RIMS2: variants seen among roughly 807,000 people sequenced by gnomAD.
RIMS2 encodes the protein regulating synaptic membrane exocytosis protein 2.
A neutral mutation model predicts 174.4 loss-of-function variants in RIMS2; 59 were observed. The ratio of observed to expected loss-of-function variants is 0.34; its 90% CI spans 0.27 to 0.42. The LOEUF (loss-of-function observed/expected upper bound fraction) is 0.42, where lower values mean the gene tolerates loss of function less well. Among genes scored for constraint, RIMS2 ranks in the 10% least tolerant of loss-of-function variants. RIMS2 has a pLI of 1.00. For synonymous variants in RIMS2, 606 were observed against 572.5 expected (o/e 1.06, Z -0.84); for missense variants, 1,620 against 1,666.3 (o/e 0.97, Z 0.48).
intron 1 of RIMS2, among the ~76,000 whole-genome samples, chr8:103,582,119 C>T (rs1353621511): frequency 2.6e-5 from 4 of 152,012 alleles, no homozygotes; most frequent in African/African-American, 4.8e-5. Flanking sequence ...GGGCACTAGT[C>T]AGAGTTGCGA....
chr8:104,117,465 T>C (rs2098296877), intron 19 of RIMS2, among the ~76,000 whole-genome samples: 1 of 152,034 alleles, frequency 6.6e-6, no homozygotes, highest in Non-Finnish European at 1.5e-5. Context: ...CATAGCTCAC[T>C]GCAGCCTCAA....
chr8:103,659,296 C>T (rs1221838951), intron 1 of RIMS2, among the ~76,000 whole-genome samples: 2 of 152,062 alleles, frequency 1.3e-5, no homozygotes, highest in Non-Finnish European at 2.9e-5. Flanking sequence ...ATGCTGGCCA[C>T]CAACCCGGGC....
At chr8:104,157,764 T>A (rs2098733576) in intron 19 of RIMS2, among the ~76,000 whole-genome samples, 1 of 152,198 alleles carries the variant, frequency 6.6e-6, no homozygotes, top group Non-Finnish European at 1.5e-5. Context: ...CTATTGTGAA[T>A]AATGCTACTA....
chr8:103,770,325 C>T (rs2098236690), intron 3 of RIMS2, among the ~76,000 whole-genome samples: 1 of 152,226 alleles, frequency 6.6e-6, no homozygotes, highest in Non-Finnish European at 1.5e-5. Context: ...CCTGTAATCC[C>T]AGCACTTTGG....
intron 1 of RIMS2, among the ~76,000 whole-genome samples, chr8:103,597,161 A>G (rs1361950273): frequency 6.6e-6 from 1 of 152,190 alleles, no homozygotes; most frequent in Non-Finnish European, 1.5e-5. Context: ...GATCAAATTT[A>G]TTGGTAGAAA....
rs572440706 is a variant in RIMS2 at position 104,125,515 on chromosome 8, A to G, written c.3334+110900A>G. Reference sequence around the variant, plus strand: ...TGTCATCATTGTTACTATTCAAACTAAGAGACAAAATTAAAGAGCTTGAGT... The same window carrying G: ...TGTCATCATTGTTACTATTCAAACTGAGAGACAAAATTAAAGAGCTTGAGT... On this transcript the variant is annotated intron_variant, in intron 19 of 23. Transcript: ENST00000504942. Among the ~76,000 whole-genome samples the G allele has an allele frequency of 1.3e-3, 205 of 152,348 alleles. 1 individual carries two copies. Among genetic ancestry groups the G allele is most frequent in the African/African-American group, 4.6e-3 (190 of 41,592 alleles).
At chr8:103,956,913 C>A (rs147670320) in intron 14 of RIMS2, among the ~76,000 whole-genome samples, 2 of 151,976 alleles carry the variant, frequency 1.3e-5, no homozygotes, top group Non-Finnish European at 2.9e-5. Context: ...AAGAAAAAAA[C>A]AAACAAATGC....
intron 3 of RIMS2, among the ~76,000 whole-genome samples, chr8:103,847,361 A>G: frequency 6.6e-6 from 1 of 152,090 alleles, no homozygotes; most frequent in East Asian, 1.9e-4. Flanking sequence ...CAAGGTGTCC[A>G]CTGTAAGCAC....
Position 103,936,727 on chromosome 8 carries a change from C to G in RIMS2, c.2547+5C>G, listed in dbSNP as rs780734855. ...GAAAGTGAATTCTTAGGCGAGGTAT[C>G]TGGAGTTGTTTTAAAGTTTATGCTA... On this transcript the variant is annotated splice_donor_5th_base_variant and intron_variant, in intron 13 of 23. Coordinates refer to ENST00000504942, the Ensembl canonical transcript of RIMS2. The G allele has an allele frequency of 5.0e-6, 8 of 1,593,716 alleles. No homozygotes were observed. Among genetic ancestry groups the G allele is most frequent in the East Asian group, 4.5e-5 (2 of 44,152 alleles).
At chr8:103,706,380 C>T (rs957072986) in intron 2 of RIMS2, among the ~76,000 whole-genome samples, 17 of 152,070 alleles carry the variant, frequency 1.1e-4, no homozygotes, top group African/African-American at 3.4e-4. Flanking sequence ...TGTGTAGTTA[C>T]TTATACCAGT....
chr8:104,234,295 T>A (rs558932811), intron 19 of RIMS2, among the ~76,000 whole-genome samples: 2 of 152,202 alleles, frequency 1.3e-5, no homozygotes, highest in Non-Finnish European at 1.5e-5. Flanking sequence ...CCATAAAATA[T>A]TGCCTCAAAA....
chr8:103,789,718 A>C (rs902870453), intron 3 of RIMS2, among the ~76,000 whole-genome samples: 1 of 151,742 alleles, frequency 6.6e-6, no homozygotes, highest in African/African-American at 2.4e-5. Context: ...CCAATGCATA[A>C]AAATAAACAT....
At chr8:103,646,441 T>C (rs894755223) in intron 1 of RIMS2, among the ~76,000 whole-genome samples, 10 of 152,134 alleles carry the variant, frequency 6.6e-5, no homozygotes, top group Non-Finnish European at 1.2e-4. Context: ...GTTTCTTACA[T>C]AGGCAAATGT....
At chr8:103,920,137 C>T (rs2154529268) in intron 9 of RIMS2, among the ~76,000 whole-genome samples, 1 of 152,188 alleles carries the variant, frequency 6.6e-6, no homozygotes, top group Non-Finnish European at 1.5e-5. Context: ...GACAGGGGTC[C>T]TTTCTCAGAT....
intron 19 of RIMS2, among the ~76,000 whole-genome samples, chr8:104,160,004 T>G (rs1321400364): frequency 6.6e-6 from 1 of 151,990 alleles, no homozygotes; most frequent in African/African-American, 2.4e-5. Flanking sequence ...GTGGGCATGG[T>G]GGCTGGCACC....
At chr8:104,081,455 T>A (rs994757481) in intron 19 of RIMS2, among the ~76,000 whole-genome samples, 1 of 152,030 alleles carries the variant, frequency 6.6e-6, no homozygotes. Flanking sequence ...TGCTGTTTTG[T>A]ATTCTGATTA....
At chr8:103,533,380 C>G (rs775031211) in intron 1 of RIMS2, among the ~76,000 whole-genome samples, 11 of 152,048 alleles carry the variant, frequency 7.2e-5, no homozygotes, top group Non-Finnish European at 1.5e-4. Flanking sequence ...CAAATGTTAT[C>G]AATACTTTTC....
In RIMS2 at chr8:103,913,059, G is replaced by A. The variant is rs115841022; in HGVS notation, c.1812+887G>A. ...ATGATCTCGGGTCACTGCAACCTTC[G>A]CCTCTTGGATTCAAGTGATTCTCCT... On this transcript the variant is annotated intron_variant, in intron 6 of 23. Transcript: ENST00000504942. 6.7e-4 allele frequency among the ~76,000 whole-genome samples: 96 copies of A among 143,386 alleles called. 1 individual carries two copies. Among genetic ancestry groups the A allele is most frequent in the African/African-American group, 2.1e-3 (82 of 38,908 alleles). The allele number at this position is 143,386 out of a possible 152,430, so 94.1% of individuals were successfully genotyped here. A position where few individuals can be genotyped will look rare whatever the true frequency, so the allele number is the denominator to read the frequency against.
intron 19 of RIMS2, among the ~76,000 whole-genome samples, chr8:104,157,170 T>A (rs929550311): frequency 7.2e-5 from 11 of 152,186 alleles, no homozygotes; most frequent in African/African-American, 2.7e-4. Context: ...GTGACTCAAG[T>A]ATTGTAGATG....
Sources: gnomAD v4.1 joint callset for allele counts (sites outside exome capture counted in the v4.1 genomes callset) on GRCh38, gnomAD v4.1.1 for gene constraint, MANE v1.5 for transcripts, NCBI Gene and HGNC (gene_info 2026-07-23, HGNC 2026-07-21) for gene names.